BLTP1: variants seen among roughly 807,000 people sequenced by gnomAD.
The protein encoded by BLTP1 is bridge-like lipid transfer protein family member 1.
the BLTP1 span, chr4:122,325,090 AAGGT>A: frequency 5.0e-6 from 4 of 797,524 alleles, no homozygotes; most frequent in South Asian, 1.2e-4. Flanking sequence ...TGGGATGCTA[AAGGT>A]TAAGAGAAAG....
the BLTP1 span, chr4:122,154,973 C>T: frequency 1.1e-6 from 1 of 923,076 alleles, no homozygotes; most frequent in Non-Finnish European, 1.3e-6. Flanking sequence ...TTTATGAATT[C>T]TACAGAGAAT....
the BLTP1 span, chr4:122,208,733 C>G: frequency 3.5e-6 from 3 of 845,892 alleles, no homozygotes; most frequent in Middle Eastern, 6.0e-4. Context: ...CATTATTTAC[C>G]TGACTGTCGA....
At chr4:122,188,366 A>G in the BLTP1 span, 9 of 304,144 alleles carry the variant, frequency 3.0e-5, no homozygotes, top group Non-Finnish European at 3.9e-5. Context: ...ACTTTGTGCA[A>G]TTAGTTCCTG....
the BLTP1 span, chr4:122,349,721 C>T: frequency 6.5e-7 from 1 of 1,529,426 alleles, no homozygotes; most frequent in Non-Finnish European, 8.8e-7. This position sits in a 1 kb window ranked among gnomAD's most constrained non-coding sequence, Gnocchi z 4.5. Flanking sequence ...GAGAAAACAG[C>T]AATTTTTCTT....
the BLTP1 span, chr4:122,229,131 T>C: frequency 0.073 from 117,382 of 1,599,070 alleles, 5,127 homozygotes; most frequent in Middle Eastern, 0.098. Context: ...TTGAGTTGTA[T>C]TCCTGGGCCT....
At chr4:122,243,333 G>T in the BLTP1 span, 1 of 843,776 alleles carries the variant, frequency 1.2e-6, no homozygotes, top group African/African-American at 1.8e-5. Context: ...TTTGGCAAAG[G>T]TACATCAGGT....
chr4:122,301,182 T>G, the BLTP1 span: 3 of 1,201,278 alleles, frequency 2.5e-6, no homozygotes, highest in South Asian at 1.7e-5. Flanking sequence ...TAGCTAAAGA[T>G]CTCTGTATCA....
the BLTP1 span, chr4:122,237,456 A>G: frequency 1.6e-5 from 11 of 678,588 alleles, no homozygotes; most frequent in Non-Finnish European, 2.0e-5. Flanking sequence ...ACATCAGTGA[A>G]TGAAAAATGA....
At chr4:122,223,831 T>C in the BLTP1 span, 2 of 212,548 alleles carry the variant, frequency 9.4e-6, no homozygotes, top group African/African-American at 4.7e-5. Context: ...CAGAAATTGG[T>C]GACTGATCAG....
the BLTP1 span, among the ~76,000 whole-genome samples, chr4:122,256,566 C>T: frequency 8.5e-5 from 13 of 152,220 alleles, no homozygotes; most frequent in Middle Eastern, 3.4e-3. Flanking sequence ...AACCATTTCT[C>T]CTAAAATGAG....
chr4:122,203,170 A>G, the BLTP1 span, among the ~76,000 whole-genome samples: 14 of 151,964 alleles, frequency 9.2e-5, no homozygotes, highest in Non-Finnish European at 1.9e-4. Flanking sequence ...AAAAGAAATT[A>G]TCTCTCTGAT....
At chr4:122,249,795 A>T in the BLTP1 span, 1 of 1,460,610 alleles carries the variant, frequency 6.8e-7, no homozygotes, top group Non-Finnish European at 9.2e-7. Context: ...AATAAAGCAG[A>T]AAGTGTGGTA....
the BLTP1 span, chr4:122,197,214 G>A: frequency 1.4e-6 from 2 of 1,401,504 alleles, no homozygotes; most frequent in Non-Finnish European, 1.9e-6. Context: ...TGCTGTACAT[G>A]TAAATGTAGG....
chr4:122,260,737 A>G, the BLTP1 span, among the ~76,000 whole-genome samples: 1 of 152,028 alleles, frequency 6.6e-6, no homozygotes, highest in South Asian at 2.1e-4. Flanking sequence ...TTCTAGAGAA[A>G]GTCATAGATG....
the BLTP1 span, chr4:122,250,601 A>G: frequency 6.3e-7 from 1 of 1,594,980 alleles, no homozygotes; most frequent in Non-Finnish European, 8.6e-7. Flanking sequence ...AGTAATAATA[A>G]TGGTGCTTTA....
the BLTP1 span, chr4:122,257,439 G>A: frequency 6.2e-7 from 1 of 1,614,018 alleles, no homozygotes; most frequent in Non-Finnish European, 8.5e-7. Context: ...TTGGACAATG[G>A]GGGTGGTCTT....
At chr4:122,291,585 A>G in the BLTP1 span, 1 of 242,330 alleles carries the variant, frequency 4.1e-6, no homozygotes, top group Non-Finnish European at 6.6e-6. Context: ...TAAAAAATTG[A>G]TTACCTTATT....
chr4:122,277,645 C>T, the BLTP1 span: 5 of 960,992 alleles, frequency 5.2e-6, no homozygotes, highest in Non-Finnish European at 6.2e-6. Context: ...AATAGCCTTG[C>T]TCATTATGAA....
chr4:122,157,071 A>G, the BLTP1 span, among the ~76,000 whole-genome samples: 1 of 150,622 alleles, frequency 6.6e-6, no homozygotes, highest in African/African-American at 2.4e-5. Flanking sequence ...GGAGGAGGAG[A>G]GTGAGGTGGT....
Sources: allele counts gnomAD v4.1 joint callset (sites outside exome capture counted in the v4.1 genomes callset), GRCh38; gene constraint gnomAD v4.1.1; non-coding constraint Gnocchi (gnomAD v3.1); transcripts MANE v1.5; gene names NCBI Gene and HGNC (gene_info 2026-07-23, HGNC 2026-07-21).